The following SPIRE1 variants were observed in gnomAD, a reference collection of about 807,000 sequenced individuals.
SPIRE1 encodes the protein protein spire homolog 1.
Under a neutral mutation model 94.1 loss-of-function variants are expected in SPIRE1, and 40 were observed. The ratio of observed to expected loss-of-function variants is 0.43; its 90% CI spans 0.33 to 0.55. The LOEUF (loss-of-function observed/expected upper bound fraction) is 0.55. Among genes scored for constraint, SPIRE1 ranks in the 20% least tolerant of loss-of-function variants. The pLI is 0.06. For synonymous variants in SPIRE1, 376 were observed against 371.7 expected (o/e 1.01, Z -0.13); for missense variants, 838 against 975.2 (o/e 0.86, Z 1.87).
chr18:12,503,118 G>GA lies in SPIRE1; in HGVS notation c.972+3358dup, dbSNP rs200503459. ...AGTGAGACTCTGTCTCAAAAAAAAAGAAAAAAAAAAAAAGGAAATACCCTG... is the reference window on the plus strand; with the variant it reads ...AGTGAGACTCTGTCTCAAAAAAAAAGAAAAAAAAAAAAAAGGAAATACCCTG... On this transcript the variant is annotated intron_variant, in intron 6 of 16. Transcript: ENST00000409402. Among the ~76,000 whole-genome samples, 1,219 of 134,202 alleles carry GA rather than the reference G, an allele frequency of 9.1e-3. 3 individuals are homozygous for GA. The highest frequency in any genetic ancestry group is 0.012 in the Middle Eastern group (3 of 246). 88.0% of individuals were successfully genotyped at this position (134,202 alleles called of 152,430 possible).
chr18:12,617,939 G>C (rs749511135), intron 2 of SPIRE1, among the ~76,000 whole-genome samples: 1 of 152,054 alleles, frequency 6.6e-6, no homozygotes, highest in African/African-American at 2.4e-5. Context: ...GCTTAGTACA[G>C]GGTCTATAAA....
At position 12,479,601 on chromosome 18, in the gene SPIRE1, G is replaced by A. The variant is rs2032763594; in HGVS notation, c.1404+98C>T. ...CTTTACTGGTTGAAAAATGGGAAGA[G>A]ATTAAGCAACAACTGAAGCAAGATA... On this transcript the variant is annotated intron_variant, in intron 10 of 16. Coordinates refer to ENST00000409402, the MANE Select transcript of SPIRE1 (RefSeq NM_001128626.2). 3 of 1,162,946 alleles carry A rather than the reference G, an allele frequency of 2.6e-6. No individual in the cohort carries two copies. The African/African-American group carries it at 4.6e-5, about 18-fold the overall frequency. 72.0% of individuals were successfully genotyped at this position (1,162,946 alleles called of 1,614,324 possible).
chr18:12,556,500 T>C (rs1467796917), intron 2 of SPIRE1, among the ~76,000 whole-genome samples: 1 of 152,170 alleles, frequency 6.6e-6, no homozygotes, highest in African/African-American at 2.4e-5. Flanking sequence ...ACGGTGAGTG[T>C]TATAGTTCTT....
intron 4 of SPIRE1, among the ~76,000 whole-genome samples, chr18:12,532,493 T>A (rs1023921545): frequency 2.0e-5 from 3 of 152,192 alleles, no homozygotes; most frequent in African/African-American, 4.8e-5. Flanking sequence ...TACACAGATA[T>A]AAGGTAGTTT....
At chr18:12,623,147 C>T (rs954937449) in intron 2 of SPIRE1, among the ~76,000 whole-genome samples, 4 of 139,470 alleles carry the variant, frequency 2.9e-5, no homozygotes, top group Non-Finnish European at 6.4e-5. Context: ...TTAATTTTTA[C>T]AACAAATATA....
intron 1 of SPIRE1, among the ~76,000 whole-genome samples, chr18:12,644,527 A>T (rs923467653): frequency 6.6e-6 from 1 of 152,214 alleles, no homozygotes; most frequent in Non-Finnish European, 1.5e-5. Flanking sequence ...AACAAATTCA[A>T]GATAATATAA....
chr18:12,471,566 C>G (rs955592651), intron 10 of SPIRE1, among the ~76,000 whole-genome samples: 5 of 151,560 alleles, frequency 3.3e-5, no homozygotes, highest in Non-Finnish European at 5.9e-5. Flanking sequence ...TTAAGTGATC[C>G]GTCCGCCTCA....
At chr18:12,451,033 G>C in intron 16 of SPIRE1, 1 of 497,664 alleles carries the variant, frequency 2.0e-6, no homozygotes, top group East Asian at 4.0e-5. Flanking sequence ...GAGGGGAGGA[G>C]GAGGAGGAGG....
At chr18:12,516,260 A>T (rs1434391633) in intron 4 of SPIRE1, 1 of 152,118 alleles carries the variant, frequency 6.6e-6, no homozygotes, top group Non-Finnish European at 1.5e-5. Flanking sequence ...CTTCCTATTT[A>T]CAAGCGTAAG....
At chr18:12,459,740 C>T in intron 12 of SPIRE1, 8 of 985,754 alleles carry the variant, frequency 8.1e-6, no homozygotes, top group Non-Finnish European at 9.6e-6. Flanking sequence ...CCAGACCCAG[C>T]AGAAAGAGGC....
intron 2 of SPIRE1, among the ~76,000 whole-genome samples, chr18:12,560,653 C>G (rs2035655850): frequency 6.6e-6 from 1 of 152,174 alleles, no homozygotes; most frequent in South Asian, 2.1e-4. Flanking sequence ...GAGTTCGAGA[C>G]TAGCCTAGCC....
intron 10 of SPIRE1, among the ~76,000 whole-genome samples, chr18:12,476,248 G>A (rs144277300): frequency 5.1e-4 from 78 of 152,184 alleles, no homozygotes; most frequent in African/African-American, 1.7e-3. Flanking sequence ...AATACATTTA[G>A]AAGTTTTCAG....
chr18:12,451,413 TA>T (rs1168592777), intron 16 of SPIRE1, among the ~76,000 whole-genome samples: 5 of 152,256 alleles, frequency 3.3e-5, no homozygotes, highest in Non-Finnish European at 1.5e-5. Flanking sequence ...AGGAATCATC[TA>T]CTTATTTACT....
chr18:12,486,675 T>C (rs535069726), intron 8 of SPIRE1, among the ~76,000 whole-genome samples: 27 of 152,326 alleles, frequency 1.8e-4, no homozygotes, highest in African/African-American at 6.0e-4. Flanking sequence ...TCCTATCTTA[T>C]GGAATTGTTA....
chr18:12,649,419 A>T (rs190806390), intron 1 of SPIRE1, among the ~76,000 whole-genome samples: 157 of 152,192 alleles, frequency 1.0e-3, no homozygotes, highest in African/African-American at 2.1e-3. Flanking sequence ...TTAAAAAAAA[A>T]TTTTTTTGAC....
In SPIRE1 at chr18:12,642,962, G is replaced by T. The variant is rs375412267; in HGVS notation, c.338-7866C>A. On this transcript the variant is annotated intron_variant, in intron 1 of 16. Transcript: ENST00000409402. ...AAAAAGAAGAAGAAATGCTGCCATAGGAATAGAAGACATAATATTTGTATT... is the reference window on the plus strand; with the variant it reads ...AAAAAGAAGAAGAAATGCTGCCATATGAATAGAAGACATAATATTTGTATT... Among the ~76,000 whole-genome samples, 320 of 152,134 alleles carry T rather than the reference G, an allele frequency of 2.1e-3. 1 individual carries two copies. Among genetic ancestry groups the T allele is most frequent in the African/African-American group, 7.1e-3 (296 of 41,498 alleles).
In SPIRE1 at chr18:12,559,644, C is replaced by T. The variant is rs1842323678; in HGVS notation, c.373-12740G>A. Among the ~76,000 whole-genome samples the T allele has an allele frequency of 6.6e-6, 1 of 152,208 alleles. No individual in the cohort carries two copies. The highest frequency in any genetic ancestry group is 2.4e-5 in the African/African-American group (1 of 41,450). On this transcript the variant is annotated intron_variant, in intron 2 of 16. Transcript: ENST00000409402. This position sits in a 1 kb window ranked among gnomAD's most constrained non-coding sequence, Gnocchi z 4.7. Reference sequence around the variant, plus strand: ...GCTGCTAGCACGTTGTCACCTCTCACTACTACAAGAAAACATTGGGGAAAC... The same window carrying T: ...GCTGCTAGCACGTTGTCACCTCTCATTACTACAAGAAAACATTGGGGAAAC...
intron 2 of SPIRE1, among the ~76,000 whole-genome samples, chr18:12,578,679 G>C (rs1183551630): frequency 6.6e-6 from 1 of 152,150 alleles, no homozygotes; most frequent in Non-Finnish European, 1.5e-5. Flanking sequence ...AATCGTGAGA[G>C]GAGACTCTAC....
intron 2 of SPIRE1, among the ~76,000 whole-genome samples, chr18:12,605,442 G>A (rs1298950385): frequency 6.6e-6 from 1 of 152,142 alleles, no homozygotes; most frequent in Non-Finnish European, 1.5e-5. Flanking sequence ...GCAGGCGGAG[G>A]TCGCAGTGAG....
Sources: gnomAD v4.1 joint callset for allele counts (sites outside exome capture counted in the v4.1 genomes callset) on GRCh38, gnomAD v4.1.1 for gene constraint, Gnocchi (gnomAD v3.1) non-coding constraint, MANE v1.5 for transcripts, NCBI Gene and HGNC (gene_info 2026-07-23, HGNC 2026-07-21) for gene names.